Variants in LOC122319696 observed in about 807,000 individuals in gnomAD.
chrX:149,415,057 C>T, the LOC122319696 span, among the ~76,000 whole-genome samples: 8 of 110,824 alleles, frequency 7.2e-5, no homozygotes, highest in African/African-American at 9.9e-5. Context: ...CTCTTTTTAC[C>T]TTTTGTGGAA....
the LOC122319696 span, among the ~76,000 whole-genome samples, chrX:149,415,503 T>C: frequency 0.026 from 2,921 of 111,576 alleles, 55 homozygotes; most frequent in Non-Finnish European, 0.044. Flanking sequence ...TAGTCTTCTC[T>C]ACCAGCATAT....
chrX:149,415,146 C>A, the LOC122319696 span, among the ~76,000 whole-genome samples: 2 of 111,215 alleles, frequency 1.8e-5, no homozygotes, highest in Middle Eastern at 4.2e-3. Context: ...ATCTTCTTCA[C>A]CTGAAAGGGC....
At chrX:149,414,974 G>T in the LOC122319696 span, among the ~76,000 whole-genome samples, 1 of 111,223 alleles carries the variant, frequency 9.0e-6, no homozygotes. Context: ...TTTTTTTACA[G>T]CATCTTGGGC....
chrX:149,414,890 A>G, the LOC122319696 span, among the ~76,000 whole-genome samples: 1 of 111,991 alleles, frequency 8.9e-6, no homozygotes, highest in Non-Finnish European at 1.9e-5. Flanking sequence ...AGGGTTTTTC[A>G]TAACATGTTG....
chrX:149,415,269 G>A, the LOC122319696 span, among the ~76,000 whole-genome samples: 1 of 111,513 alleles, frequency 9.0e-6, no homozygotes, highest in Non-Finnish European at 1.9e-5. Flanking sequence ...TGCCAGGCAG[G>A]TAAAGCGTAG....
chrX:149,415,033 C>T, the LOC122319696 span, among the ~76,000 whole-genome samples: 2,102 of 111,131 alleles, frequency 0.019, 34 homozygotes, highest in Non-Finnish European at 0.029. Flanking sequence ...GTGGCCGATT[C>T]TTGGCTCTTT....
chrX:149,415,298 G>C, the LOC122319696 span, among the ~76,000 whole-genome samples: 7 of 111,299 alleles, frequency 6.3e-5, no homozygotes, highest in African/African-American at 2.3e-4. Context: ...GGGGAGGGTG[G>C]ATCAAGAGAA....
the LOC122319696 span, among the ~76,000 whole-genome samples, chrX:149,415,237 C>T: frequency 2.7e-5 from 3 of 111,274 alleles, no homozygotes; most frequent in Non-Finnish European, 3.8e-5. Context: ...TAAAAAGGGA[C>T]ATGGGCTAAT....
the LOC122319696 span, among the ~76,000 whole-genome samples, chrX:149,415,232 A>C: frequency 3.4e-4 from 38 of 111,588 alleles, no homozygotes; most frequent in East Asian, 0.01. Context: ...CTTTGTAAAA[A>C]GGGACATGGG....
At chrX:149,414,940 G>A in the LOC122319696 span, among the ~76,000 whole-genome samples, 1 of 111,967 alleles carries the variant, frequency 8.9e-6, no homozygotes, top group Non-Finnish European at 1.9e-5. Flanking sequence ...TCATTATGCT[G>A]TTGTATCTTG....
chrX:149,415,368 T>G, the LOC122319696 span, among the ~76,000 whole-genome samples: 1 of 111,332 alleles, frequency 9.0e-6, no homozygotes, highest in Non-Finnish European at 1.9e-5. Context: ...TTGACAGGAT[T>G]TCTTCATCTT....
the LOC122319696 span, among the ~76,000 whole-genome samples, chrX:149,415,187 C>T: frequency 1.7e-3 from 186 of 111,085 alleles, 1 homozygote; most frequent in Non-Finnish European, 3.1e-3. Context: ...ACCTTGTGTT[C>T]GAGGAAGGAG....
the LOC122319696 span, among the ~76,000 whole-genome samples, chrX:149,415,046 A>G: frequency 9.4e-6 from 1 of 106,945 alleles, no homozygotes; most frequent in Non-Finnish European, 1.9e-5. Flanking sequence ...GGCTCTTTTC[A>G]CTCTTTTTAC....
At chrX:149,415,012 A>T in the LOC122319696 span, among the ~76,000 whole-genome samples, 1 of 111,008 alleles carries the variant, frequency 9.0e-6, no homozygotes, top group Non-Finnish European at 1.9e-5. Context: ...GCTCCTACTC[A>T]ATCTTTGCTA....
chrX:149,415,023 G>C, the LOC122319696 span, among the ~76,000 whole-genome samples: 1 of 111,312 alleles, frequency 9.0e-6, no homozygotes, highest in East Asian at 2.8e-4. Flanking sequence ...ATCTTTGCTA[G>C]TGGCCGATTC....
At chrX:149,415,296 T>C in the LOC122319696 span, among the ~76,000 whole-genome samples, 2 of 110,605 alleles carry the variant, frequency 1.8e-5, no homozygotes, top group African/African-American at 6.6e-5. Flanking sequence ...TAGGGGAGGG[T>C]GGATCAAGAG....
At chrX:149,415,465 T>C in the LOC122319696 span, among the ~76,000 whole-genome samples, 1 of 111,527 alleles carries the variant, frequency 9.0e-6, no homozygotes, top group Admixed American at 9.5e-5. Flanking sequence ...AACTTTCTGG[T>C]AACTTTAGCC....
the LOC122319696 span, among the ~76,000 whole-genome samples, chrX:149,415,305 A>T: frequency 2.7e-5 from 3 of 111,479 alleles, no homozygotes; most frequent in East Asian, 8.5e-4. Flanking sequence ...GTGGATCAAG[A>T]GAAAAGAGCT....
the LOC122319696 span, among the ~76,000 whole-genome samples, chrX:149,414,925 C>T: frequency 2.7e-5 from 3 of 111,907 alleles, no homozygotes; most frequent in Non-Finnish European, 3.8e-5. Flanking sequence ...ACCACCATCG[C>T]TGTTTCATTA....
Sources: gnomAD v4.1 joint callset for allele counts (sites outside exome capture counted in the v4.1 genomes callset) on GRCh38, gnomAD v4.1.1 for gene constraint, MANE v1.5 for transcripts.